Variants in NELL1 observed in about 807,000 individuals in gnomAD.
The protein encoded by NELL1 is neural EGFL like 1, also known as protein kinase C-binding protein NELL1.
NELL1 carries 76 observed loss-of-function variants against 107.4 expected under a neutral mutation model. The ratio of observed to expected loss-of-function variants is 0.71; its 90% CI spans 0.59 to 0.86. The LOEUF is 0.86. Ranked by LOEUF, NELL1 falls within the 40% of genes least tolerant of loss-of-function variation. NELL1 has a pLI of 0.00. For synonymous variants in NELL1, 353 were observed against 341.2 expected (o/e 1.03, Z -0.38); for missense variants, 1,024 against 1,005.5 (o/e 1.02, Z -0.25).
intron 16 of NELL1, among the ~76,000 whole-genome samples, chr11:21,548,027 A>T (rs1050887443): frequency 2.0e-5 from 3 of 150,996 alleles, no homozygotes; most frequent in African/African-American, 7.3e-5. Context: ...TTTTCCTGCT[A>T]AAAAAAAATC....
At chr11:20,750,321 T>A (rs1451637509) in intron 2 of NELL1, among the ~76,000 whole-genome samples, 4 of 152,164 alleles carry the variant, frequency 2.6e-5, no homozygotes, top group African/African-American at 9.7e-5. Context: ...GGCTGCAAGT[T>A]CTTTTTCAGA....
At chr11:20,673,648 G>C (rs1853975724) in intron 1 of NELL1, among the ~76,000 whole-genome samples, 1 of 152,200 alleles carries the variant, frequency 6.6e-6, no homozygotes, top group African/African-American at 2.4e-5. Flanking sequence ...CAGGCCTCAA[G>C]TGCCTCTGTG....
At chr11:21,306,783 GAGA>G (rs1849614108) in intron 14 of NELL1, among the ~76,000 whole-genome samples, 1 of 152,058 alleles carries the variant, frequency 6.6e-6, no homozygotes, top group South Asian at 2.1e-4. Flanking sequence ...GTACGTGAAA[GAGA>G]AGAATATTTT....
chr11:21,206,876 C>T (rs1376627606), intron 13 of NELL1, among the ~76,000 whole-genome samples: 1 of 152,174 alleles, frequency 6.6e-6, no homozygotes, highest in East Asian at 1.9e-4. Flanking sequence ...TCTTTAGACA[C>T]TTGTCTTCAG....
At chr11:21,254,631 A>G (rs1858723886) in intron 14 of NELL1, among the ~76,000 whole-genome samples, 1 of 152,082 alleles carries the variant, frequency 6.6e-6, no homozygotes, top group Non-Finnish European at 1.5e-5. Flanking sequence ...CATTTTCAAA[A>G]ATCTCTGGCC....
intron 11 of NELL1, among the ~76,000 whole-genome samples, chr11:20,948,765 T>TAAAAAAAAAA (rs35915453): frequency 4.7e-5 from 5 of 107,282 alleles, no homozygotes; most frequent in Non-Finnish European, 3.7e-5. Flanking sequence ...TTCAAAATCT[T>TAAAAAAAAAA]AAAAAAAAAA....
At chr11:21,406,998 C>T (rs1852252631) in intron 15 of NELL1, among the ~76,000 whole-genome samples, 2 of 152,088 alleles carry the variant, frequency 1.3e-5, no homozygotes, top group Admixed American at 6.6e-5. Context: ...CCTCTGAAAA[C>T]TACTTTTATG....
intron 15 of NELL1, among the ~76,000 whole-genome samples, chr11:21,510,615 A>G (rs1855411556): frequency 1.3e-5 from 2 of 152,156 alleles, no homozygotes; most frequent in African/African-American, 2.4e-5. Context: ...ATATGTTTGC[A>G]CTGTGATATG....
chr11:21,258,267 A>G (rs1254157934), intron 14 of NELL1, among the ~76,000 whole-genome samples: 1 of 151,990 alleles, frequency 6.6e-6, no homozygotes, highest in East Asian at 1.9e-4. Flanking sequence ...TTTCTTGATA[A>G]CATCCTATGG....
chr11:21,334,781 T>G (rs1010407681), intron 14 of NELL1, among the ~76,000 whole-genome samples: 5 of 151,578 alleles, frequency 3.3e-5, no homozygotes, highest in Non-Finnish European at 5.9e-5. Flanking sequence ...TGTAGATGCT[T>G]TACCAGGAGC....
At chr11:21,489,359 C>G (rs1463314248) in intron 15 of NELL1, among the ~76,000 whole-genome samples, 1 of 93,642 alleles carries the variant, frequency 1.1e-5, no homozygotes, top group African/African-American at 3.7e-5. Context: ...AGAACTAACA[C>G]CAATCTTCCT....
chr11:20,744,164 G>T (rs183197913), intron 2 of NELL1, among the ~76,000 whole-genome samples: 8 of 152,076 alleles, frequency 5.3e-5, no homozygotes, highest in African/African-American at 1.7e-4. Context: ...CTCCTAACTG[G>T]TATCCTGTCC....
At chr11:21,558,908 A>G (rs1856785352) in intron 16 of NELL1, among the ~76,000 whole-genome samples, 1 of 152,080 alleles carries the variant, frequency 6.6e-6, no homozygotes, top group Admixed American at 6.6e-5. Flanking sequence ...ATGTTCAAAT[A>G]GAAATACACT....
chr11:21,277,132 T>G (rs1434716689), intron 14 of NELL1, among the ~76,000 whole-genome samples: 222 of 151,296 alleles, frequency 1.5e-3, no homozygotes, highest in Admixed American at 3.4e-3. Context: ...TGGGAGAAAA[T>G]TTTTGCAATC....
chr11:21,118,601 C>T (rs371752978), intron 13 of NELL1, among the ~76,000 whole-genome samples: 2 of 152,014 alleles, frequency 1.3e-5, no homozygotes, highest in African/African-American at 4.8e-5. Context: ...TGTTTCATTG[C>T]CAGATGATTA....
At chr11:21,120,128 A>G (rs1040848519) in intron 13 of NELL1, among the ~76,000 whole-genome samples, 1 of 152,146 alleles carries the variant, frequency 6.6e-6, no homozygotes, top group Admixed American at 6.6e-5. Flanking sequence ...AAGGAAGTTT[A>G]TGTTTGAAAT....
chr11:21,074,983 C>T (rs996544942), intron 12 of NELL1, among the ~76,000 whole-genome samples: 1 of 152,136 alleles, frequency 6.6e-6, no homozygotes, highest in African/African-American at 2.4e-5. Flanking sequence ...GGGTAGAGAA[C>T]TAATTCAATA....
intron 12 of NELL1, among the ~76,000 whole-genome samples, chr11:21,003,715 C>T (rs1007241247): frequency 5.9e-5 from 9 of 152,080 alleles, no homozygotes; most frequent in African/African-American, 2.2e-4. Context: ...CCAAGGTCCT[C>T]CTCTCTGAGG....
At chr11:20,938,954 G>A (rs568425862) in intron 10 of NELL1, among the ~76,000 whole-genome samples, 7 of 150,224 alleles carry the variant, frequency 4.7e-5, no homozygotes, top group African/African-American at 1.8e-4. Flanking sequence ...GTGTGTGTGT[G>A]TGTGTGTGTG....
Sources: allele counts gnomAD v4.1 joint callset (sites outside exome capture counted in the v4.1 genomes callset), GRCh38; gene constraint gnomAD v4.1.1; transcripts MANE v1.5; gene names NCBI Gene and HGNC (gene_info 2026-07-23, HGNC 2026-07-21).